The following BIRC2 variants were observed in gnomAD, a reference collection of about 807,000 sequenced individuals.
BIRC2 encodes the protein baculoviral IAP repeat-containing protein 2.
A neutral mutation model predicts 60.9 loss-of-function variants in BIRC2; 18 were observed. The ratio of observed to expected loss-of-function variants is 0.30; its 90% confidence interval spans 0.20 to 0.44. BIRC2 has a LOEUF of 0.44. Ranked by LOEUF, BIRC2 falls within the 20% of genes least tolerant of loss-of-function variation. BIRC2 has a pLI of 1.00. For missense variants in BIRC2, 701 were observed against 728.5 expected (o/e 0.96, Z 0.43); for synonymous variants, 282 against 247.7 (o/e 1.14, Z -1.30).
At position 102,348,652 on chromosome 11, in the gene BIRC2, A is replaced by C; in HGVS notation, c.-1203A>C. 1 of 336,544 alleles carries C rather than the reference A, an allele frequency of 3.0e-6. No homozygotes were observed. Among genetic ancestry groups the C allele is most frequent in the Non-Finnish European group, 5.8e-6 (1 of 173,682 alleles). 20.8% of individuals were successfully genotyped at this position (336,544 alleles called of 1,614,324 possible). The stretch of plus-strand genomic sequence containing the variant: ...CTATTTTGTCCCCCTGCAGTAATAA[A>C]TCCCATTATGGAGATCTCGAAACTT... On this transcript the variant is annotated 5_prime_UTR_variant, in exon 2 of 9. Transcript: ENST00000227758.
At position 102,378,275 on chromosome 11, in the gene BIRC2, G is replaced by GT. The variant is rs1314571585; in HGVS notation, c.*97dup. 2.0e-6 allele frequency: 2 copies of GT among 1,016,992 alleles called. No homozygotes were observed. Among genetic ancestry groups the GT allele is most frequent in the African/African-American group, 1.7e-5 (1 of 60,380 alleles). 63.0% of individuals were successfully genotyped at this position (1,016,992 alleles called of 1,614,324 possible). A position where few individuals can be genotyped will look rare whatever the true frequency, so the allele number is the denominator to read the frequency against. Reference sequence around the variant, plus strand: ...ATCTAAAGTAAAAAGGGAATTATGAGTTTTTCAATTAGTAACATTCATGTT... The same window carrying GT: ...ATCTAAAGTAAAAAGGGAATTATGAGTTTTTTCAATTAGTAACATTCATGTT... On this transcript the variant is annotated 3_prime_UTR_variant, in exon 9 of 9. Coordinates refer to ENST00000227758, the MANE Select transcript of BIRC2 (RefSeq NM_001166.5).
At chr11:102,374,025 C>T (rs1445834404) in intron 6 of BIRC2, among the ~76,000 whole-genome samples, 1 of 140,822 alleles carries the variant, frequency 7.1e-6, no homozygotes, top group South Asian at 2.4e-4. Flanking sequence ...CCATCAGCTC[C>T]TTTAAGCACT....
chr11:102,356,087 T>G (rs554901186), intron 3 of BIRC2, among the ~76,000 whole-genome samples: 32 of 152,296 alleles, frequency 2.1e-4, no homozygotes, highest in African/African-American at 7.5e-4. Context: ...TGCCTTTTTC[T>G]TTTTCTTGCT....
At chr11:102,360,428 A>G (rs563588630) in intron 3 of BIRC2, among the ~76,000 whole-genome samples, 28 of 150,436 alleles carry the variant, frequency 1.9e-4, no homozygotes, top group African/African-American at 6.4e-4. Context: ...CAGGTCTGCT[A>G]TTGATGCTCT....
chr11:102,349,677 G>C lies in BIRC2; in HGVS notation c.-178G>C, dbSNP rs964009461. The C allele has an allele frequency of 1.6e-6, 1 of 635,134 alleles. No homozygotes were observed. The highest frequency in any genetic ancestry group is 2.6e-6 in the Non-Finnish European group (1 of 385,594). 39.3% of individuals were successfully genotyped at this position (635,134 alleles called of 1,614,324 possible). A position where few individuals can be genotyped will look rare whatever the true frequency, so the allele number is the denominator to read the frequency against. On this transcript the variant is annotated 5_prime_UTR_variant, in exon 2 of 9. Transcript: ENST00000227758. ...GAGTTGTGTTCTAAGTAGTATCTTGGTAATTCAGAGAGATACTCATCCTAC... is the reference window on the plus strand; with the variant it reads ...GAGTTGTGTTCTAAGTAGTATCTTGCTAATTCAGAGAGATACTCATCCTAC...
At chr11:102,362,744 G>T in intron 3 of BIRC2, 152 bp from the exon 4 acceptor site, 8 of 525,188 alleles carry the variant, frequency 1.5e-5, no homozygotes, top group East Asian at 3.0e-5. Flanking sequence ...TGATAATTTT[G>T]TTCCTGTTAG....
intron 3 of BIRC2, among the ~76,000 whole-genome samples, chr11:102,356,112 AACCC>A (rs1307128264): frequency 6.6e-6 from 1 of 151,852 alleles, no homozygotes; most frequent in African/African-American, 2.4e-5. Flanking sequence ...TGCTCTGGCT[AACCC>A]TTCCAGTATT....
At position 102,368,520 on chromosome 11, in the gene BIRC2, G is replaced by A. The variant is rs777007142; in HGVS notation, c.1338G>A (p.Lys446=). 6.2e-7 allele frequency: 1 copy of A among 1,612,468 alleles called. No individual in the cohort carries two copies. Among genetic ancestry groups the A allele is most frequent in the Non-Finnish European group, 8.5e-7 (1 of 1,179,494 alleles). The change falls in exon 6 of 9, where the codon AAG becomes AAA. Residue 446 remains lysine (K), a synonymous_variant. Coordinates refer to ENST00000227758, the MANE Select transcript of BIRC2 (RefSeq NM_001166.5). ...AAGATGAAAAAAGAGAAGAGGAGAAGGAAAAACAAGCTGAAGAAATGGCAT... is the reference window on the plus strand; with the variant it reads ...AAGATGAAAAAAGAGAAGAGGAGAAAGAAAAACAAGCTGAAGAAATGGCAT... ...NAEDEKREEE[K]EKQAEEMASD...
At position 102,377,720 on chromosome 11, in the gene BIRC2, A is replaced by C. The variant is rs1951730479; in HGVS notation, c.1591A>C (p.Ile531Leu). Residue 531 changes from isoleucine to leucine, a missense_variant, in exon 7 of 9, where the codon ATT (isoleucine) becomes CTT (leucine). Transcript: ENST00000227758. ...CATCTTCAAAAACTGTCTAAAAGAA[A>C]TTGACTCTACATTGTATAAGAACTT... ...ANIFKNCLKE[I>L]DSTLYKNLFV... 1 of 1,607,256 alleles carries C rather than the reference A, an allele frequency of 6.2e-7. No homozygotes were observed. The highest frequency in any genetic ancestry group is 8.5e-7 in the Non-Finnish European group (1 of 1,178,586).
At chr11:102,368,615 C>T (rs1172674403) in intron 6 of BIRC2, 67 bp downstream of exon 6, 2 of 1,556,458 alleles carry the variant, frequency 1.3e-6, no homozygotes, top group African/African-American at 1.4e-5. Context: ...TCACATGTTA[C>T]AGGACACCAT....
chr11:102,376,599 A>T lies in BIRC2; in HGVS notation c.1367-897A>T, dbSNP rs189414325. On this transcript the variant is annotated intron_variant, in intron 6 of 8. Transcript: ENST00000227758. ...TAATGATTCAGATACCAAAAGAAGG[A>T]ACTACCATATTCCATAAATATAAAT... Among the ~76,000 whole-genome samples the T allele has an allele frequency of 2.0e-5, 3 of 152,304 alleles. No individual in the cohort carries two copies. In the East Asian group the frequency reaches 5.8e-4, roughly 29 times the overall value.
At chr11:102,356,685 T>C (rs1951426149) in intron 3 of BIRC2, among the ~76,000 whole-genome samples, 2 of 148,820 alleles carry the variant, frequency 1.3e-5, no homozygotes. Context: ...TATTAATTTT[T>C]TTTTTTTTTT....
chr11:102,374,229 AAG>A (rs1951672343), intron 6 of BIRC2, among the ~76,000 whole-genome samples: 1 of 151,390 alleles, frequency 6.6e-6, no homozygotes, highest in Non-Finnish European at 1.5e-5. Flanking sequence ...GTTCCTTTGG[AAG>A]AGGAGAGGCG....
chr11:102,350,216 T>G lies in BIRC2; in HGVS notation c.362T>G (p.Leu121Arg). Residue 121 changes from leucine to arginine, a missense_variant, in exon 2 of 9, where the codon CTG becomes CGG. By Grantham distance (102) the Leu-to-Arg change is moderately radical (BLOSUM62 -2). Around this residue, in one of 4 missense-constraint regions of BIRC2, gnomAD observed 375 missense variants for 365.9 expected, o/e 1.02. Transcript: ENST00000227758. ...SFIQNLVSAS[L>R]GSTSKNTSPM... ...ATTCAGAATCTGGTTTCAGCTAGTC[T>G]GGGATCCACCTCTAAGAATACGTCT... The G allele has an allele frequency of 6.2e-7, 1 of 1,614,256 alleles. No homozygotes were observed. The highest frequency in any genetic ancestry group is 8.5e-7 in the Non-Finnish European group (1 of 1,180,042).
rs201614272 is a variant in BIRC2, at chr11:102,350,250, A to C, written c.396A>C (p.Arg132Ser). 1 of 1,614,234 alleles carries C rather than the reference A, an allele frequency of 6.2e-7. No individual in the cohort carries two copies. Among genetic ancestry groups the C allele is most frequent in the Non-Finnish European group, 8.5e-7 (1 of 1,180,042 alleles). The change falls in exon 2 of 9, where the codon AGA (arginine) becomes AGC (serine). Residue 132 changes from arginine to serine, a missense_variant. Arg to Ser is a moderately radical substitution (Grantham distance 110). This residue lies in a region of BIRC2 where 375 missense variants were observed against 365.9 expected (regional missense o/e 1.02). Transcript: ENST00000227758. ...CCTCTAAGAATACGTCTCCAATGAG[A>C]AACAGTTTTGCACATTCATTATCTC... is the stretch of plus-strand genomic sequence containing the variant. ...GSTSKNTSPMRNSFAHSLSPT... is the reference protein window; with the variant it reads ...GSTSKNTSPMSNSFAHSLSPT...
chr11:102,372,090 C>G (rs1030766506), intron 6 of BIRC2, among the ~76,000 whole-genome samples: 19 of 152,246 alleles, frequency 1.2e-4, no homozygotes, highest in African/African-American at 4.1e-4. Context: ...AGCGGTCTAT[C>G]TATTTTGTTG....
At chr11:102,372,379 C>T (rs1030813889) in intron 6 of BIRC2, among the ~76,000 whole-genome samples, 11 of 152,086 alleles carry the variant, frequency 7.2e-5, no homozygotes, top group African/African-American at 2.4e-4. Context: ...TGTTTGTTCT[C>T]ATTGGTTTCA....
intron 5 of BIRC2, among the ~76,000 whole-genome samples, chr11:102,364,567 T>C (rs996458671): frequency 9.9e-5 from 15 of 152,204 alleles, no homozygotes; most frequent in Non-Finnish European, 8.8e-5. Context: ...TTATGTAATA[T>C]ACATATGTTA....
intron 1 of BIRC2, chr11:102,347,592 C>T (rs184337243): frequency 6.6e-6 from 1 of 152,284 alleles, no homozygotes; most frequent in Non-Finnish European, 1.5e-5. Flanking sequence ...GCAGTCAAAG[C>T]GATTTTTAAA....
Sources: allele counts gnomAD v4.1 joint callset (sites outside exome capture counted in the v4.1 genomes callset), GRCh38; gene constraint gnomAD v4.1.1; regional missense constraint gnomAD v4.1.1; transcripts MANE v1.5; gene names NCBI Gene and HGNC (gene_info 2026-07-23, HGNC 2026-07-21).